Variants in PLEKHS1 observed in about 807,000 individuals in gnomAD.
PLEKHS1 encodes pleckstrin homology domain-containing family S member 1.
A neutral mutation model predicts 51.0 loss-of-function variants in PLEKHS1; 55 were observed. The observed-to-expected ratio is 1.08, with a 90% confidence interval of 0.87 to 1.35. PLEKHS1 has a LOEUF of 1.35. Ranked by LOEUF, PLEKHS1 falls within the 40% of genes most tolerant of loss-of-function variation. PLEKHS1 has a pLI of 0.00. For missense variants in PLEKHS1, 398 were observed against 423.0 expected (o/e 0.94, Z 0.52); for synonymous variants, 153 against 144.8 (o/e 1.06, Z -0.41).
At position 113,776,303 on chromosome 10, in the gene PLEKHS1, CA is replaced by C. The variant is rs1341996890; in HGVS notation, c.1091+442del. Among the ~76,000 whole-genome samples, 10 of 152,094 alleles carry C rather than the reference CA, an allele frequency of 6.6e-5. No individual in the cohort carries two copies. The East Asian group carries it at 1.9e-3, about 29-fold the overall frequency. On this transcript the variant is annotated intron_variant, in intron 11 of 11. Transcript: ENST00000361048. ...CACAAGGTTAAAAAAAAACAAAAAACAAAAACTGCTAGTCACAGACACAGAC... is the reference window on the plus strand; with the variant it reads ...CACAAGGTTAAAAAAAAACAAAAAACAAAACTGCTAGTCACAGACACAGAC...
intron 5 of PLEKHS1, among the ~76,000 whole-genome samples, chr10:113,767,767 G>A (rs756805283): frequency 6.6e-6 from 1 of 152,116 alleles, no homozygotes; most frequent in African/African-American, 2.4e-5. Context: ...GTAGAGCCAT[G>A]CTCTCTCTGA....
intron 2 of PLEKHS1, among the ~76,000 whole-genome samples, chr10:113,762,365 C>CTTTT (rs34457408): frequency 4.9e-5 from 3 of 61,770 alleles, no homozygotes; most frequent in Non-Finnish European, 8.9e-5. Flanking sequence ...AGATTTGTTC[C>CTTTT]TTTTTTTTTT....
chr10:113,763,724 C>A (rs1332666988), intron 2 of PLEKHS1, among the ~76,000 whole-genome samples: 1 of 152,154 alleles, frequency 6.6e-6, no homozygotes, highest in Non-Finnish European at 1.5e-5. Flanking sequence ...TTCCATTTTT[C>A]CCTATTGGCC....
intron 9 of PLEKHS1, 146 bp from the exon 10 acceptor site, chr10:113,774,680 C>T: frequency 1.4e-6 from 1 of 696,392 alleles, no homozygotes; most frequent in Non-Finnish European, 2.4e-6. Context: ...TTGATGCTAG[C>T]TGTGGCTGTG....
intron 11 of PLEKHS1, chr10:113,777,942 A>G: frequency 2.3e-6 from 1 of 442,348 alleles, no homozygotes; most frequent in South Asian, 2.3e-5. Context: ...GTGTGCTATG[A>G]TTGCACCACT....
intron 2 of PLEKHS1, among the ~76,000 whole-genome samples, chr10:113,762,235 T>G (rs1490072205): frequency 6.6e-6 from 1 of 152,022 alleles, no homozygotes; most frequent in Non-Finnish European, 1.5e-5. Context: ...TAGAGGTTTG[T>G]TAACTTAATC....
chr10:113,751,785 G>T (rs1254848262), intron 1 of PLEKHS1, 24 bp downstream of exon 1: 2 of 152,142 alleles, frequency 1.3e-5, no homozygotes, highest in African/African-American at 4.8e-5. Context: ...GGTGTATCTG[G>T]TTTGGACTTC....
chr10:113,779,287 T>G (rs564021244), intron 11 of PLEKHS1, among the ~76,000 whole-genome samples: 2 of 152,220 alleles, frequency 1.3e-5, no homozygotes, highest in African/African-American at 4.8e-5. Context: ...AGATCCACAC[T>G]GGGCTGGGTG....
chr10:113,773,650 T>C (rs893935147), intron 8 of PLEKHS1, among the ~76,000 whole-genome samples: 2 of 152,164 alleles, frequency 1.3e-5, no homozygotes, highest in Admixed American at 6.5e-5. Flanking sequence ...AAGACTGGCT[T>C]GACTGGAAGG....
chr10:113,767,902 T>A (rs1170098961), intron 5 of PLEKHS1, among the ~76,000 whole-genome samples: 3 of 152,074 alleles, frequency 2.0e-5, no homozygotes, highest in Admixed American at 1.3e-4. Context: ...GTGTCCAAAT[T>A]TCCCCTTTTT....
downstream of PLEKHS1, chr10:113,782,914 A>G (rs558875479): frequency 2.6e-5 from 4 of 152,348 alleles, no homozygotes; most frequent in East Asian, 5.8e-4. Flanking sequence ...ATGTAAAAAA[A>G]GTAGTTTACT....
chr10:113,753,761 C>T (rs1853962026), intron 1 of PLEKHS1, among the ~76,000 whole-genome samples: 1 of 152,012 alleles, frequency 6.6e-6, no homozygotes, highest in African/African-American at 2.4e-5. Flanking sequence ...TAGAACTTGT[C>T]TTAATCTTAG....
exon 12 of PLEKHS1, chr10:113,781,668 T>G (rs555709610): frequency 1.5e-5 from 1 of 68,586 alleles, no homozygotes; most frequent in East Asian, 5.0e-4. Flanking sequence ...CCCAGACACC[T>G]CCTTCCCAAC....
intron 1 of PLEKHS1, among the ~76,000 whole-genome samples, chr10:113,754,839 C>G (rs1199617424): frequency 6.6e-6 from 1 of 152,324 alleles, no homozygotes; most frequent in South Asian, 2.1e-4. Context: ...TGGAGAAAGG[C>G]TTATCTTGGG....
At chr10:113,769,752 G>C (rs1272719279) in intron 6 of PLEKHS1, 32 bp from the exon 7 acceptor site, 2 of 1,396,398 alleles carry the variant, frequency 1.4e-6, no homozygotes, top group South Asian at 2.3e-5. Flanking sequence ...GAGATCAACT[G>C]TGCCCTGACT....
At chr10:113,752,223 A>G (rs559056498) in intron 1 of PLEKHS1, among the ~76,000 whole-genome samples, 1 of 152,168 alleles carries the variant, frequency 6.6e-6, no homozygotes, top group Non-Finnish European at 1.5e-5. Flanking sequence ...AAGTTGTTTA[A>G]TCTCTCCGAT....
chr10:113,770,369 A>G (rs1165044276), intron 7 of PLEKHS1, among the ~76,000 whole-genome samples: 1 of 152,118 alleles, frequency 6.6e-6, no homozygotes, highest in Non-Finnish European at 1.5e-5. Flanking sequence ...CTTCTTCCTC[A>G]TTTCTAATGA....
intron 6 of PLEKHS1, 65 bp from the exon 7 acceptor site, chr10:113,769,719 A>G: frequency 1.0e-6 from 1 of 977,102 alleles, no homozygotes; most frequent in Non-Finnish European, 1.7e-6. Flanking sequence ...CCCGGTAGAG[A>G]GGCTGCCGTT....
In PLEKHS1 at chr10:113,774,266, A is replaced by G. The variant is rs774598146; in HGVS notation, c.712A>G (p.Ile238Val). Residue 238 changes from isoleucine (I) to valine (V), a missense_variant, in exon 9 of 12, where the codon ATT becomes GTT. Physicochemically the swap from Ile to Val is conservative, Grantham distance 29. Coordinates refer to ENST00000361048, the Ensembl canonical transcript of PLEKHS1. ...TGCTTCCAGTGATTCTGGTGAATCCATTGAAACTGATGGTCCAGACCAGGT... is the reference window on the plus strand; with the variant it reads ...TGCTTCCAGTGATTCTGGTGAATCCGTTGAAACTGATGGTCCAGACCAGGT... 1.9e-6 allele frequency: 3 copies of G among 1,602,908 alleles called. No individual in the cohort carries two copies. The African/African-American group carries it at 4.0e-5, about 22-fold the overall frequency.
Sources: allele counts gnomAD v4.1 joint callset (sites outside exome capture counted in the v4.1 genomes callset), GRCh38; gene constraint gnomAD v4.1.1; transcripts MANE v1.5; gene names NCBI Gene and HGNC (gene_info 2026-07-23, HGNC 2026-07-21).